Variants in THOC7 observed in about 807,000 individuals in gnomAD.
THOC7 encodes NIF3L1-binding protein 1.
Under a neutral mutation model 33.1 loss-of-function variants are expected in THOC7, and 22 were observed. The observed-to-expected ratio is 0.66, with a 90% CI of 0.47 to 0.95. THOC7 has a LOEUF of 0.95. Among genes scored for constraint, THOC7 ranks in the 40% least tolerant of loss-of-function variants. The pLI is 0.00. For missense variants in THOC7, 184 were observed against 245.3 expected (o/e 0.75, Z 1.67); for synonymous variants, 77 against 76.8 (o/e 1.00, Z -0.01).
chr3:63,839,870 T>A (rs151214081), intron 1 of THOC7, 97 bp from the exon 2 acceptor site: 7 of 987,208 alleles, frequency 7.1e-6, no homozygotes, highest in African/African-American at 4.9e-5. Flanking sequence ...AAAAGAAAAT[T>A]ATTGAAATGT....
At chr3:63,853,182 A>T (rs989058375) in intron 1 of THOC7, among the ~76,000 whole-genome samples, 2 of 150,868 alleles carry the variant, frequency 1.3e-5, no homozygotes, top group Non-Finnish European at 2.9e-5. Flanking sequence ...AAAAAGAATC[A>T]CAGGTCCTAG....
intron 4 of THOC7, 101 bp downstream of exon 4, chr3:63,837,875 G>A (rs1444436565): frequency 2.0e-6 from 2 of 996,600 alleles, no homozygotes; most frequent in Admixed American, 2.7e-5. Context: ...TTTAATCCAG[G>A]TTGATTCAGG....
At chr3:63,848,802 A>G (rs12107588) in intron 1 of THOC7, among the ~76,000 whole-genome samples, 4,805 of 152,168 alleles carry the variant, frequency 0.032, 246 homozygotes, top group African/African-American at 0.11. Context: ...TTTTTTTAAT[A>G]TTTTGTTTTA....
chr3:63,852,466 A>T (rs1014111944), intron 1 of THOC7, among the ~76,000 whole-genome samples: 9 of 152,230 alleles, frequency 5.9e-5, no homozygotes, highest in Non-Finnish European at 1.3e-4. Context: ...TTGTTAAAAA[A>T]GAAAGCTGAA....
chr3:63,852,372 G>C (rs1363208515), intron 1 of THOC7, among the ~76,000 whole-genome samples: 1 of 152,172 alleles, frequency 6.6e-6, no homozygotes, highest in African/African-American at 2.4e-5. Flanking sequence ...AAGTGGGGTG[G>C]ATGGGGAACA....
chr3:63,835,346 A>C lies in THOC7; in HGVS notation c.455T>G (p.Ile152Ser), dbSNP rs137931328. ...TACCTTATCTTCAACACTTTCTTTAATGTGTGAAAGATGCTCTAATTCTTT... is the reference window on the plus strand; with the variant it reads ...TACCTTATCTTCAACACTTTCTTTACTGTGTGAAAGATGCTCTAATTCTTT... ...LGKELEHLSH[I>S]KESVEDKLEL... Residue 152 changes from isoleucine to serine, a missense_variant, in exon 6 of 8, where the codon ATT (isoleucine) becomes AGT (serine). Transcript: ENST00000295899. 6.4e-4 allele frequency: 1,032 copies of C among 1,613,568 alleles called. 10 individuals carry two copies. The Admixed American group carries it at 0.016, about 25-fold the overall frequency.
chr3:63,864,111 C>G (rs919114756), upstream of THOC7, among the ~76,000 whole-genome samples: 1 of 147,534 alleles, frequency 6.8e-6, no homozygotes, highest in Non-Finnish European at 1.5e-5. Flanking sequence ...GCAGCCCCCG[C>G]CCGGCCCACG....
At chr3:63,856,803 C>G (rs1389031764) in intron 1 of THOC7, among the ~76,000 whole-genome samples, 1 of 152,006 alleles carries the variant, frequency 6.6e-6, no homozygotes, top group Non-Finnish European at 1.5e-5. Flanking sequence ...CTGCAAGCTC[C>G]GCCTCCCAGG....
intron 1 of THOC7, among the ~76,000 whole-genome samples, chr3:63,855,841 G>A (rs1251235088): frequency 1.3e-5 from 2 of 152,302 alleles, no homozygotes; most frequent in Non-Finnish European, 1.5e-5. Flanking sequence ...CTTTCTAAAT[G>A]CAGTTTGGCA....
intron 1 of THOC7, among the ~76,000 whole-genome samples, chr3:63,844,256 G>T (rs1057441208): frequency 6.6e-6 from 1 of 152,172 alleles, no homozygotes; most frequent in African/African-American, 2.4e-5. Context: ...TTACAGTTAG[G>T]CAAGAGCAAT....
intron 1 of THOC7, among the ~76,000 whole-genome samples, chr3:63,843,003 G>C (rs1245854766): frequency 1.3e-5 from 2 of 151,864 alleles, no homozygotes; most frequent in Non-Finnish European, 2.9e-5. Flanking sequence ...GCCCAGGCTG[G>C]TCTCAAACTA....
chr3:63,864,360 A>G (rs909924764), upstream of THOC7: 2 of 151,746 alleles, frequency 1.3e-5, no homozygotes, highest in African/African-American at 4.8e-5. Context: ...AGCCCAGGAG[A>G]GGCGGGACTA....
chr3:63,840,227 GCA>G (rs1701728500), intron 1 of THOC7, among the ~76,000 whole-genome samples: 1 of 152,056 alleles, frequency 6.6e-6, no homozygotes, highest in African/African-American at 2.4e-5. Context: ...CTGTTGAGAA[GCA>G]CTGACAAAAG....
intron 1 of THOC7, among the ~76,000 whole-genome samples, chr3:63,855,331 GTAAA>G (rs1047807629): frequency 2.6e-5 from 4 of 152,292 alleles, no homozygotes; most frequent in African/African-American, 9.6e-5. Context: ...ATGCTGAAAT[GTAAA>G]TATTTACTTG....
intron 1 of THOC7, among the ~76,000 whole-genome samples, chr3:63,855,687 C>T (rs1054226288): frequency 6.6e-6 from 1 of 152,180 alleles, no homozygotes; most frequent in African/African-American, 2.4e-5. Context: ...GCTTGACAAC[C>T]AGAGGCAATA....
chr3:63,852,600 G>C (rs944434993), intron 1 of THOC7, among the ~76,000 whole-genome samples: 1 of 152,140 alleles, frequency 6.6e-6, no homozygotes, highest in Non-Finnish European at 1.5e-5. Context: ...GATGAGTGAA[G>C]ACAAATAGCA....
At position 63,833,935 on chromosome 3, in the gene THOC7, T is replaced by A. The variant is rs917720198; in HGVS notation, c.*197A>T. 2.8e-5 allele frequency: 14 copies of A among 496,652 alleles called. No homozygotes were observed. Among genetic ancestry groups the A allele is most frequent in the Non-Finnish European group, 4.9e-5 (14 of 288,606 alleles). 30.8% of individuals were successfully genotyped at this position (496,652 alleles called of 1,614,324 possible). A position where few individuals can be genotyped will look rare whatever the true frequency, so the allele number is the denominator to read the frequency against. On this transcript the variant is annotated 3_prime_UTR_variant, in exon 8 of 8. Transcript: ENST00000295899. ...CTTCCTACCACTTAAGAATAAAAAA[T>A]GCATTTTAATAAAAACAAATCTATA...
chr3:63,840,259 A>C (rs140452899), intron 1 of THOC7, among the ~76,000 whole-genome samples: 2 of 152,328 alleles, frequency 1.3e-5, no homozygotes, highest in Admixed American at 1.3e-4. Context: ...GGAAATATTT[A>C]AAAGATGTAG....
At chr3:63,859,612 A>C (rs1189983474) in intron 1 of THOC7, among the ~76,000 whole-genome samples, 1 of 152,250 alleles carries the variant, frequency 6.6e-6, no homozygotes. Context: ...CTCAGAACTT[A>C]ATTACATTCC....
Sources: gnomAD v4.1 joint callset for allele counts (sites outside exome capture counted in the v4.1 genomes callset) on GRCh38, gnomAD v4.1.1 for gene constraint, MANE v1.5 for transcripts, NCBI Gene and HGNC (gene_info 2026-07-23, HGNC 2026-07-21) for gene names.